GRAMD4: variants seen among roughly 807,000 people sequenced by gnomAD.
The protein encoded by GRAMD4 is GRAM domain containing 4, also known as GRAM domain-containing protein 4.
Under a neutral mutation model 83.9 loss-of-function variants are expected in GRAMD4, and 25 were observed. The ratio of observed to expected loss-of-function variants is 0.30; its 90% CI spans 0.22 to 0.42. The LOEUF is 0.42. Among genes scored for constraint, GRAMD4 ranks in the 10% least tolerant of loss-of-function variants. GRAMD4 has a pLI of 1.00. For missense variants in GRAMD4, 593 were observed against 788.7 expected, an observed-to-expected ratio of 0.75 and a Z score of 2.97; for synonymous variants, 336 against 320.9, an observed-to-expected ratio of 1.05 and a Z score of -0.50.
At chr22:46,667,798 A>G (rs2082433258) in intron 10 of GRAMD4, among the ~76,000 whole-genome samples, 1 of 152,208 alleles carries the variant, frequency 6.6e-6, no homozygotes, top group Non-Finnish European at 1.5e-5. Context: ...CCCTGCCTGT[A>G]AGTGAGGGAG....
intron 3 of GRAMD4, among the ~76,000 whole-genome samples, chr22:46,646,646 T>C (rs1363976074): frequency 6.6e-6 from 1 of 152,232 alleles, no homozygotes; most frequent in African/African-American, 2.4e-5. Flanking sequence ...TGACTCAGTG[T>C]CCCTGGACTT....
chr22:46,662,211 C>T (rs1383121605), intron 5 of GRAMD4, among the ~76,000 whole-genome samples: 2 of 152,212 alleles, frequency 1.3e-5, no homozygotes, highest in African/African-American at 2.4e-5. Flanking sequence ...CTGGCCCCAT[C>T]CTCCCTGCCC....
In GRAMD4 at chr22:46,678,770, T is replaced by C; in HGVS notation, c.*1519T>C. The C allele has an allele frequency of 1.0e-6, 1 of 986,024 alleles. No homozygotes were observed. The highest frequency in any genetic ancestry group is 1.2e-6 in the Non-Finnish European group (1 of 830,016). The allele number at this position is 986,024 out of a possible 1,614,324, so 61.1% of individuals were successfully genotyped here. A position where few individuals can be genotyped will look rare whatever the true frequency, so the allele number is the denominator to read the frequency against. The stretch of plus-strand genomic sequence containing the variant: ...GGTGTGGGTGAGGGATCCGGCGGCA[T>C]GGGCTGGTTTCACCCCCTTCACGAG... On this transcript the variant is annotated 3_prime_UTR_variant, in exon 19 of 19. Coordinates refer to ENST00000406902, the MANE Select transcript of GRAMD4 (RefSeq NM_015124.5).
intron 3 of GRAMD4, among the ~76,000 whole-genome samples, chr22:46,645,312 G>A (rs1490291327): frequency 6.6e-6 from 1 of 152,102 alleles, no homozygotes; most frequent in African/African-American, 2.4e-5. Context: ...TGTGAGAGAG[G>A]ACATTATGTA....
intron 1 of GRAMD4, among the ~76,000 whole-genome samples, chr22:46,602,269 A>G (rs1417797652): frequency 6.6e-6 from 1 of 152,064 alleles, no homozygotes; most frequent in Non-Finnish European, 1.5e-5. Flanking sequence ...ATATTGCAAA[A>G]TTTCCTTCCA....
Position 46,678,522 on chromosome 22 carries a change from G to A in GRAMD4, c.*1271G>A. 1.0e-6 allele frequency: 1 copy of A among 985,390 alleles called. No homozygotes were observed. 61.0% of individuals were successfully genotyped at this position (985,390 alleles called of 1,614,324 possible). A position where few individuals can be genotyped will look rare whatever the true frequency, so the allele number is the denominator to read the frequency against. On this transcript the variant is annotated 3_prime_UTR_variant, in exon 19 of 19. Coordinates refer to ENST00000406902, the MANE Select transcript of GRAMD4 (RefSeq NM_015124.5). Reference sequence around the variant, plus strand: ...GCTGGGCTGAAGGGAGGGAAAGGCGGCTTGGGCCTCCTGGAAGGAGGTGGC... The same window carrying A: ...GCTGGGCTGAAGGGAGGGAAAGGCGACTTGGGCCTCCTGGAAGGAGGTGGC...
intron 1 of GRAMD4, among the ~76,000 whole-genome samples, chr22:46,587,641 G>A (rs962683613): frequency 2.7e-5 from 4 of 147,854 alleles, no homozygotes; most frequent in Non-Finnish European, 2.9e-5. Flanking sequence ...GCAAGGCTCC[G>A]TCCTGTCCTG....
chr22:46,621,440 G>A lies in GRAMD4; in HGVS notation c.-50+875G>A, dbSNP rs963999414. ...CAGTGCGGGGGCTGCCCATGTGGCC[G>A]TGGAGGGCACCCCTACCCCGGTGCA... On this transcript the variant is annotated intron_variant, in intron 1 of 18. Coordinates refer to ENST00000406902, the MANE Select transcript of GRAMD4 (RefSeq NM_015124.5). The surrounding 1 kb of genome is among the most constrained non-coding windows in gnomAD (Gnocchi z 5.8). 3.3e-5 allele frequency among the ~76,000 whole-genome samples: 5 copies of A among 152,194 alleles called. No homozygotes were observed. The highest frequency in any genetic ancestry group is 1.9e-4 in the East Asian group (1 of 5,186).
At chr22:46,631,120 T>A (rs55815638) in intron 2 of GRAMD4, among the ~76,000 whole-genome samples, 17 of 152,170 alleles carry the variant, frequency 1.1e-4, no homozygotes, top group Non-Finnish European at 2.5e-4. Context: ...TTTGCACACA[T>A]GTAGGCTTCA....
At chr22:46,589,900 C>T (rs1057417974) in intron 1 of GRAMD4, among the ~76,000 whole-genome samples, 3 of 152,194 alleles carry the variant, frequency 2.0e-5, no homozygotes, top group Admixed American at 6.5e-5. Flanking sequence ...CTCCTGTCAA[C>T]ACCCTTTCTG....
chr22:46,634,110 G>C (rs1569275760), intron 2 of GRAMD4, among the ~76,000 whole-genome samples: 1 of 152,236 alleles, frequency 6.6e-6, no homozygotes. Context: ...CAGAGTAAGT[G>C]AAGTATTTGG....
rs1272264810 is a variant in GRAMD4, at chr22:46,672,917, G to A, written c.1159G>A (p.Asp387Asn). The A allele has an allele frequency of 3.1e-6, 5 of 1,612,122 alleles. No individual in the cohort carries two copies. The highest frequency in any genetic ancestry group is 2.2e-5 in the South Asian group (2 of 91,064). Reference sequence around the variant, plus strand: ...CTGCCCGAGGCTGCGCGCCAAGTACGACACGCCCTATATCATCTGGAGGAG... The same window carrying A: ...CTGCCCGAGGCTGCGCGCCAAGTACAACACGCCCTATATCATCTGGAGGAG... ...KRCPRLRAKY[D>N]TPYIIWRSLP... The change falls in exon 14 of 19, where the codon GAC (aspartate) becomes AAC (asparagine). Residue 387 changes from aspartate to asparagine, a missense_variant. Asp to Asn is a conservative substitution (Grantham distance 23). Transcript: ENST00000406902. The surrounding 1 kb of genome is among the most constrained non-coding windows in gnomAD (Gnocchi z 4.7).
intron 1 of GRAMD4, among the ~76,000 whole-genome samples, chr22:46,598,151 CTTTTA>C (rs2081280433): frequency 1.3e-5 from 2 of 151,814 alleles, no homozygotes; most frequent in Admixed American, 1.3e-4. Context: ...CCAGCTAATT[CTTTTA>C]TTTTTAGTAG....
In GRAMD4 at chr22:46,637,898, T is replaced by C; in HGVS notation, c.221T>C (p.Phe74Ser). The change falls in exon 3 of 19, where the codon TTT (phenylalanine) becomes TCT (serine). Residue 74 changes from phenylalanine to serine, a missense_variant. Transcript: ENST00000406902. ...GTCCAGGACTTTAACCGGACAGAGTTTGATCGACTGAATGAGATCAAAGGT... is the reference window on the plus strand; with the variant it reads ...GTCCAGGACTTTAACCGGACAGAGTCTGATCGACTGAATGAGATCAAAGGT... ...TGVQDFNRTE[F>S]DRLNEIKGHL... is the part of the protein sequence containing the mutation. 6.2e-7 allele frequency: 1 copy of C among 1,614,060 alleles called. No individual in the cohort carries two copies. Among genetic ancestry groups the C allele is most frequent in the African/African-American group, 1.3e-5 (1 of 75,056 alleles).
intron 4 of GRAMD4, among the ~76,000 whole-genome samples, chr22:46,660,785 C>A (rs914480201): frequency 3.3e-5 from 5 of 152,220 alleles, no homozygotes; most frequent in African/African-American, 1.2e-4. Flanking sequence ...CCTCCCTCCC[C>A]ACTCCCGCTT....
At chr22:46,648,767 C>CATGGATGGATGGATGGATGG (rs1220197647) in intron 3 of GRAMD4, among the ~76,000 whole-genome samples, 5 of 24,714 alleles carry the variant, frequency 2.0e-4, no homozygotes, top group African/African-American at 3.2e-4. Flanking sequence ...TGGATGGATG[C>CATGGATGGATGGATGGATGG]ATGGATGGAT....
chr22:46,668,964 A>AT, intron 13 of GRAMD4, 56 bp downstream of exon 13: 2 of 952,520 alleles, frequency 2.1e-6, no homozygotes, highest in Non-Finnish European at 3.4e-6. Flanking sequence ...AGGTGTCCGC[A>AT]TGCCACCAGT....
chr22:46,612,531 T>G (rs1053140941), intron 1 of GRAMD4, among the ~76,000 whole-genome samples: 1 of 152,192 alleles, frequency 6.6e-6, no homozygotes, highest in African/African-American at 2.4e-5. Flanking sequence ...CTGCCAGCCC[T>G]CATTCACCTG....
Position 46,678,114 on chromosome 22 carries a change from G to A in GRAMD4, c.*863G>A. The A allele has an allele frequency of 3.0e-6, 3 of 985,606 alleles. No homozygotes were observed. The African/African-American group carries it at 5.2e-5, about 17-fold the overall frequency. The allele number at this position is 985,606 out of a possible 1,614,324, so 61.1% of individuals were successfully genotyped here. A position where few individuals can be genotyped will look rare whatever the true frequency, so the allele number is the denominator to read the frequency against. ...AAGGCCCAGGAGAACATCCGCGAAG[G>A]CTGTTGGAGGTGCTCCGAGCACTGT... On this transcript the variant is annotated 3_prime_UTR_variant, in exon 19 of 19. Coordinates refer to ENST00000406902, the MANE Select transcript of GRAMD4 (RefSeq NM_015124.5).
Sources: gnomAD v4.1 joint callset for allele counts (sites outside exome capture counted in the v4.1 genomes callset) on GRCh38, gnomAD v4.1.1 for gene constraint, Gnocchi (gnomAD v3.1) non-coding constraint, MANE v1.5 for transcripts, NCBI Gene and HGNC (gene_info 2026-07-23, HGNC 2026-07-21) for gene names.